SQLE: variants seen among roughly 807,000 people sequenced by gnomAD.
SQLE encodes the protein squalene epoxidase.
A neutral mutation model predicts 60.7 loss-of-function variants in SQLE; 29 were observed. That is an observed-to-expected ratio of 0.48 (90% CI 0.36 to 0.65). The LOEUF is 0.65. Among genes scored for constraint, SQLE ranks in the 30% least tolerant of loss-of-function variants. SQLE has a pLI of 0.00. For synonymous variants in SQLE, 237 were observed against 246.8 expected (o/e 0.96, Z 0.37); for missense variants, 605 against 684.1 (o/e 0.88, Z 1.29).
chr8:125,021,292 C>T (rs1007512237), intron 10 of SQLE, among the ~76,000 whole-genome samples: 2 of 152,038 alleles, frequency 1.3e-5, no homozygotes, highest in Admixed American at 6.6e-5. Flanking sequence ...TGAAATCTAT[C>T]GAGTTATTTC....
rs138369896 is a variant in SQLE at position 125,014,784 on chromosome 8, G to T, written c.1204+3152G>T. 7.7e-3 allele frequency among the ~76,000 whole-genome samples: 1,178 copies of T among 152,276 alleles called. 11 individuals carry two copies. Among genetic ancestry groups the T allele is most frequent in the African/African-American group, 0.026 (1,090 of 41,548 alleles). On this transcript the variant is annotated intron_variant, in intron 7 of 10. Coordinates refer to ENST00000265896, the MANE Select transcript of SQLE (RefSeq NM_003129.4). ...TGTGGTCAGAGAAGATACTTGATAT[G>T]ATTTCAATTGTTTTTTGAATTTTTT...
At chr8:125,001,449 G>GGTGTGTGTGTGTGTGTGTGT (rs57946751) in intron 1 of SQLE, among the ~76,000 whole-genome samples, 26 of 137,016 alleles carry the variant, frequency 1.9e-4, no homozygotes, top group African/African-American at 5.2e-4. Context: ...CTCCTTTCAG[G>GGTGTGTGTGTGTGTGTGTGT]GTGTGTGTGT....
chr8:124,999,145 T>G lies in SQLE; in HGVS notation c.-259T>G. On this transcript the variant is annotated 5_prime_UTR_variant, in exon 1 of 11. Transcript: ENST00000265896. ...TTTCCTGGGCGAGGAGGAGCGAGTC[T>G]GCTCGGGAGCTGTTCCAGCAGGCGA... The G allele has an allele frequency of 2.6e-6, 1 of 381,300 alleles. No homozygotes were observed. Among genetic ancestry groups the G allele is most frequent in the Non-Finnish European group, 4.6e-6 (1 of 216,060 alleles). 23.6% of individuals were successfully genotyped at this position (381,300 alleles called of 1,614,324 possible).
rs1814796362 is a variant in SQLE at position 124,999,036 on chromosome 8, A to G, written c.-368A>G. ...GGTGAGAAAAGAAATTATAGCACGA[A>G]GAGCCAGTATCAGAAGAGTATCCAT... On this transcript the variant is annotated 5_prime_UTR_variant, in exon 1 of 11. Transcript: ENST00000265896. The G allele has an allele frequency of 7.3e-6, 2 of 274,312 alleles. No homozygotes were observed. The highest frequency in any genetic ancestry group is 6.7e-6 in the Non-Finnish European group (1 of 148,562). 17.0% of individuals were successfully genotyped at this position (274,312 alleles called of 1,614,324 possible).
chr8:125,003,276 C>G lies in SQLE; in HGVS notation c.392C>G (p.Ala131Gly). ...GACCCAGAAGTTATCATCGTGGGAG[C>G]TGGCGTGCTTGGCTCTGCTTTGGCA... ...QNDPEVIIVG[A>G]GVLGSALAAV... The change falls in exon 2 of 11, where the codon GCT becomes GGT. Residue 131 changes from alanine to glycine, a missense_variant. Transcript: ENST00000265896. The G allele has an allele frequency of 1.2e-6, 2 of 1,613,966 alleles. No homozygotes were observed. The highest frequency in any genetic ancestry group is 1.7e-6 in the Non-Finnish European group (2 of 1,179,890).
At position 125,016,525 on chromosome 8, in the gene SQLE, T is replaced by C. The variant is rs1815114336; in HGVS notation, c.1205-1534T>C. ...TTCCTTCTCTGTGTTGTCTTGAATTTTGTTGAGCTTCTCCAAAACAGCTAT... is the reference window on the plus strand; with the variant it reads ...TTCCTTCTCTGTGTTGTCTTGAATTCTGTTGAGCTTCTCCAAAACAGCTAT... On this transcript the variant is annotated intron_variant, in intron 7 of 10. Transcript: ENST00000265896. The surrounding 1 kb of genome is among the most constrained non-coding windows in gnomAD (Gnocchi z 4.1). Among the ~76,000 whole-genome samples the C allele has an allele frequency of 6.6e-6, 1 of 152,144 alleles. No homozygotes were observed. The highest frequency in any genetic ancestry group is 2.4e-5 in the African/African-American group (1 of 41,436).
At chr8:125,006,257 C>T (rs1477831391) in intron 3 of SQLE, among the ~76,000 whole-genome samples, 3 of 152,148 alleles carry the variant, frequency 2.0e-5, no homozygotes, top group African/African-American at 7.2e-5. Context: ...AGTGAAGAAG[C>T]AAGTGGACTT....
In SQLE at chr8:125,018,198, C is replaced by A; in HGVS notation, c.1344C>A (p.Phe448Leu). The A allele has an allele frequency of 6.2e-7, 1 of 1,608,064 alleles. No individual in the cohort carries two copies. Among genetic ancestry groups the A allele is most frequent in the Non-Finnish European group, 8.5e-7 (1 of 1,178,452 alleles). Residue 448 changes from phenylalanine to leucine, a missense_variant, in exon 8 of 11, where the codon TTC (phenylalanine) becomes TTA (leucine). By Grantham distance (22) the Phe-to-Leu change is conservative (BLOSUM62 0). Coordinates refer to ENST00000265896, the MANE Select transcript of SQLE (RefSeq NM_003129.4). The stretch of plus-strand genomic sequence containing the variant: ...ACCTTTATGATGATGCAGCTATTTT[C>A]GAGGTAAGATCAATTATTTTGACAA... ...IPDLYDDAAI[F>L]EAKKSFYWAR... is the part of the protein sequence containing the mutation.
At chr8:124,999,927 G>A (rs1483247723) in intron 1 of SQLE, 1 of 694,670 alleles carries the variant, frequency 1.4e-6, no homozygotes, top group Non-Finnish European at 2.6e-6. Context: ...ATGGAGGTTG[G>A]ATATTTGATT....
chr8:125,018,134 A>G lies in SQLE; in HGVS notation c.1280A>G (p.Asp427Gly). ...TGGGMTVAFK[D>G]IKLWRKLLKG... ...GGAGGAATGACTGTTGCTTTTAAAGATATAAAACTATGGAGAAAACTGCTA... is the reference window on the plus strand; with the variant it reads ...GGAGGAATGACTGTTGCTTTTAAAGGTATAAAACTATGGAGAAAACTGCTA... The change falls in exon 8 of 11, where the codon GAT becomes GGT. Residue 427 changes from aspartate (D) to glycine (G), a missense_variant. Transcript: ENST00000265896. The G allele has an allele frequency of 1.9e-6, 3 of 1,613,924 alleles. No homozygotes were observed. Among genetic ancestry groups the G allele is most frequent in the Non-Finnish European group, 2.5e-6 (3 of 1,179,840 alleles).
intron 7 of SQLE, among the ~76,000 whole-genome samples, chr8:125,017,781 A>G (rs1815133278): frequency 6.6e-6 from 1 of 151,980 alleles, no homozygotes; most frequent in African/African-American, 2.4e-5. Context: ...ACATTATTGG[A>G]CTTGTCATTA....
At position 125,016,484 on chromosome 8, in the gene SQLE, C is replaced by G. The variant is rs148577665; in HGVS notation, c.1205-1575C>G. Among the ~76,000 whole-genome samples, 14 of 152,150 alleles carry G rather than the reference C, an allele frequency of 9.2e-5. No individual in the cohort carries two copies. Among genetic ancestry groups the G allele is most frequent in the African/African-American group, 2.9e-4 (12 of 41,520 alleles). On this transcript the variant is annotated intron_variant, in intron 7 of 10. Transcript: ENST00000265896. The surrounding 1 kb of genome is among the most constrained non-coding windows in gnomAD (Gnocchi z 4.1). ...ATTTCAGTTGTTTTGTTAAACTTAC[C>G]TGATAGCATTCTGAGTTCCTTCTCT...
At chr8:125,008,891 T>TC in intron 4 of SQLE, 80 bp from the exon 5 acceptor site, 1 of 947,972 alleles carries the variant, frequency 1.1e-6, no homozygotes, top group South Asian at 2.0e-5. Flanking sequence ...CTAAATCTCT[T>TC]CACGCACATT....
Position 125,008,978 on chromosome 8 carries a change from A to C in SQLE, c.830A>C (p.His277Pro). ...TCTTCATTTCTGTTATAGGAACTCC[A>C]TGCTCCACTGACTGTTGTTGCAGAT... ...DKETGDIKEL[H>P]APLTVVADGL... Residue 277 changes from histidine (H) to proline (P), a missense_variant, in exon 5 of 11, where the codon CAT (histidine) becomes CCT (proline). His to Pro is a moderately conservative substitution (Grantham distance 77). Transcript: ENST00000265896. The C allele has an allele frequency of 6.4e-7, 1 of 1,569,824 alleles. No homozygotes were observed.
intron 10 of SQLE, among the ~76,000 whole-genome samples, chr8:125,021,386 C>G (rs1815201549): frequency 6.6e-6 from 1 of 151,864 alleles, no homozygotes; most frequent in South Asian, 2.1e-4. Flanking sequence ...GCCCTACATC[C>G]CAACAGACCA....
At position 125,003,255 on chromosome 8, in the gene SQLE, C is replaced by T. The variant is rs1814890850; in HGVS notation, c.371C>T (p.Pro124Leu). ...ACTSTSSQND[P>L]EVIIVGAGVL... ...ACATCAACATCTTCTCAGAATGACC[C>T]AGAAGTTATCATCGTGGGAGCTGGC... is the stretch of plus-strand genomic sequence containing the variant. The change falls in exon 2 of 11, where the codon CCA (proline) becomes CTA (leucine). Residue 124 changes from proline (P) to leucine (L), a missense_variant. Pro to Leu is a moderately conservative substitution (Grantham distance 98). Coordinates refer to ENST00000265896, the MANE Select transcript of SQLE (RefSeq NM_003129.4). 5 of 1,613,710 alleles carry T rather than the reference C, an allele frequency of 3.1e-6. No homozygotes were observed. The highest frequency in any genetic ancestry group is 4.2e-6 in the Non-Finnish European group (5 of 1,179,880).
intron 9 of SQLE, among the ~76,000 whole-genome samples, chr8:125,019,499 GTGAGCTATATA>G (rs2129911820): frequency 6.6e-6 from 1 of 152,204 alleles, no homozygotes; most frequent in South Asian, 2.1e-4. Context: ...GCTCACTACA[GTGAGCTATATA>G]TAGTGAGCTA....
Position 125,020,872 on chromosome 8 carries a change from G to A in SQLE, c.1532+1G>A. 6.2e-7 allele frequency: 1 copy of A among 1,611,696 alleles called. No individual in the cohort carries two copies. Among genetic ancestry groups the A allele is most frequent in the African/African-American group, 1.3e-5 (1 of 74,990 alleles). ...CGGGTCCTGTTGGGCTGCTTTCTGT[G>A]TAAGTTGTGATGGCACAGAGGATAC... On this transcript the variant is annotated splice_donor_variant, in intron 10 of 10. Transcript: ENST00000265896. LOFTEE classifies it high-confidence loss of function.
rs781562235 is a variant in SQLE, at chr8:125,010,842, A to T, written c.1109-695A>T. The T allele has an allele frequency of 2.0e-5, 3 of 151,816 alleles. No individual in the cohort carries two copies. In the East Asian group the frequency reaches 5.8e-4, roughly 29 times the overall value. The allele number at this position is 151,816 out of a possible 1,614,324, so 9.4% of individuals were successfully genotyped here. ...GAGTGCCCTGAAATTATGGAGAGAA[A>T]CCATTGGTAGGTTTATATTAATATT... On this transcript the variant is annotated intron_variant, in intron 6 of 10. Coordinates refer to ENST00000265896, the MANE Select transcript of SQLE (RefSeq NM_003129.4).
Sources: gnomAD v4.1 joint callset for allele counts (sites outside exome capture counted in the v4.1 genomes callset) on GRCh38, gnomAD v4.1.1 for gene constraint, Gnocchi (gnomAD v3.1) non-coding constraint, MANE v1.5 for transcripts, NCBI Gene and HGNC (gene_info 2026-07-23, HGNC 2026-07-21) for gene names.